Variants in HS6ST2 observed in about 807,000 individuals in gnomAD.
HS6ST2 encodes heparan sulfate 6-O-sulfotransferase 2.
HS6ST2 carries 17 observed loss-of-function variants against 33.0 expected under a neutral mutation model. The ratio of observed to expected loss-of-function variants is 0.52; its 90% CI spans 0.35 to 0.77. The LOEUF is 0.77. Ranked by LOEUF, HS6ST2 falls within the 30% of genes least tolerant of loss-of-function variation. The pLI is 0.01. For missense variants in HS6ST2, 519 were observed against 551.7 expected, an observed-to-expected ratio of 0.94 and a Z score of 0.59; for synonymous variants, 248 against 237.1, an observed-to-expected ratio of 1.05 and a Z score of -0.42.
chrX:132,764,081 C>T (rs2064824626), intron 2 of HS6ST2, among the ~76,000 whole-genome samples: 1 of 112,251 alleles, frequency 8.9e-6, no homozygotes, highest in African/African-American at 3.2e-5. Context: ...TTACCTGACT[C>T]ACTGGACTGC....
At chrX:132,769,562 G>A (rs958819049) in intron 2 of HS6ST2, among the ~76,000 whole-genome samples, 2 of 112,042 alleles carry the variant, frequency 1.8e-5, no homozygotes, top group Admixed American at 1.9e-4. Flanking sequence ...CAGACACTTA[G>A]AGCCCTTGAA....
intron 3 of HS6ST2, among the ~76,000 whole-genome samples, chrX:132,701,189 C>T (rs1274643954): frequency 8.9e-6 from 1 of 112,142 alleles, no homozygotes; most frequent in African/African-American, 3.2e-5. Context: ...CCTTGATGTG[C>T]ATCTATTTTC....
chrX:132,806,388 C>A (rs1253264119), intron 2 of HS6ST2, among the ~76,000 whole-genome samples: 2 of 109,158 alleles, frequency 1.8e-5, no homozygotes, highest in Admixed American at 9.9e-5. Context: ...ATAATTTCTT[C>A]CTTTGTAAAT....
At position 132,814,172 on chromosome X, in the gene HS6ST2, C is replaced by A. The variant is rs1356576015; in HGVS notation, c.948-105678G>T. 2.7e-5 allele frequency among the ~76,000 whole-genome samples: 3 copies of A among 111,814 alleles called. No homozygotes were observed. In the Admixed American group the frequency reaches 2.8e-4, roughly 11 times the overall value. On this transcript the variant is annotated intron_variant, in intron 2 of 4. Coordinates refer to ENST00000370833, the MANE Select transcript of HS6ST2 (RefSeq NM_001394073.1). ...TCTTGCCCAGGATGGTCTCGAACTC[C>A]TGACCTTGTGATCCACCCGCCTCGG... is the stretch of plus-strand genomic sequence containing the variant.
intron 3 of HS6ST2, among the ~76,000 whole-genome samples, chrX:132,704,267 G>A (rs1031454374): frequency 8.9e-6 from 1 of 112,435 alleles, no homozygotes; most frequent in Non-Finnish European, 1.9e-5. Context: ...AAAGAAAGAC[G>A]ATTTTGGCCA....
intron 2 of HS6ST2, among the ~76,000 whole-genome samples, chrX:132,787,211 A>C: frequency 1.1e-5 from 1 of 88,199 alleles, no homozygotes; most frequent in African/African-American, 4.5e-5. Context: ...ACATATATAT[A>C]TACACATATA....
chrX:132,669,314 C>G (rs2063839408), intron 3 of HS6ST2, 115 bp from the exon 4 acceptor site: 1 of 465,456 alleles, frequency 2.1e-6, no homozygotes, highest in Admixed American at 4.5e-5. Flanking sequence ...CCCCCACCAC[C>G]CCCTGGCCAA....
At chrX:132,951,298 C>G (rs1486518868) in intron 2 of HS6ST2, among the ~76,000 whole-genome samples, 1 of 111,319 alleles carries the variant, frequency 9.0e-6, no homozygotes, top group East Asian at 2.8e-4. Context: ...AGCCTAACCC[C>G]ATCTACTTCC....
At chrX:132,898,463 A>G (rs939404902) in intron 2 of HS6ST2, among the ~76,000 whole-genome samples, 3 of 107,034 alleles carry the variant, frequency 2.8e-5, no homozygotes, top group Non-Finnish European at 5.8e-5. Context: ...CCAAACAATG[A>G]AAGTTCAGTC....
chrX:132,900,079 A>G (rs977001095), intron 2 of HS6ST2, among the ~76,000 whole-genome samples: 2 of 112,133 alleles, frequency 1.8e-5, no homozygotes, highest in Non-Finnish European at 3.8e-5. Context: ...ATTGATTTTT[A>G]TAAGTTGCTG....
intron 4 of HS6ST2, among the ~76,000 whole-genome samples, chrX:132,644,060 C>A (rs916193975): frequency 9.0e-6 from 1 of 111,227 alleles, no homozygotes; most frequent in African/African-American, 3.3e-5. Context: ...TTACTCTAAA[C>A]GACATTGCCC....
chrX:132,815,358 C>A (rs1192689707), intron 2 of HS6ST2, among the ~76,000 whole-genome samples: 1 of 111,613 alleles, frequency 9.0e-6, no homozygotes, highest in East Asian at 2.8e-4. Context: ...TCACAAGAGT[C>A]CTATAAGGTA....
chrX:132,898,381 TTATA>T (rs10545986), intron 2 of HS6ST2, among the ~76,000 whole-genome samples: 1,583 of 89,150 alleles, frequency 0.018, 24 homozygotes, highest in African/African-American at 0.059. Context: ...CAACATAAGG[TTATA>T]TATATATATA....
chrX:132,669,313 C>T (rs1203977867), intron 3 of HS6ST2, 114 bp from the exon 4 acceptor site: 20 of 465,228 alleles, frequency 4.3e-5, no homozygotes, highest in Non-Finnish European at 6.5e-5. Flanking sequence ...CCCCCCACCA[C>T]CCCCTGGCCA....
chrX:132,695,126 C>A (rs2064093440), intron 3 of HS6ST2, among the ~76,000 whole-genome samples: 1 of 111,202 alleles, frequency 9.0e-6, no homozygotes, highest in African/African-American at 3.3e-5. Flanking sequence ...GCTACAATGA[C>A]TCAACCAAAC....
At chrX:132,911,278 G>T (rs2066531920) in intron 2 of HS6ST2, among the ~76,000 whole-genome samples, 1 of 110,756 alleles carries the variant, frequency 9.0e-6, no homozygotes. Flanking sequence ...TAACCATCCT[G>T]ATCCCATCCT....
Position 132,946,888 on chromosome X carries a change from A to C in HS6ST2, c.947+9920T>G, listed in dbSNP as rs1260613777. ...TAGTAATAGATCTTCTTGGAAAATA[A>C]GGCCAAGTTACCTGGGTCAAACTAC... On this transcript the variant is annotated intron_variant, in intron 2 of 4. Coordinates refer to ENST00000370833, the MANE Select transcript of HS6ST2 (RefSeq NM_001394073.1). Among the ~76,000 whole-genome samples the C allele has an allele frequency of 2.7e-5, 3 of 112,064 alleles. No homozygotes were observed. In the Admixed American group the frequency reaches 2.8e-4, roughly 11 times the overall value.
intron 2 of HS6ST2, among the ~76,000 whole-genome samples, chrX:132,879,473 T>C (rs764174753): frequency 4.5e-5 from 5 of 111,961 alleles, no homozygotes; most frequent in Non-Finnish European, 7.5e-5. Context: ...TTTGAAATCC[T>C]ATCACATCCT....
chrX:132,849,073 C>T (rs2065777898), intron 2 of HS6ST2, among the ~76,000 whole-genome samples: 1 of 111,545 alleles, frequency 9.0e-6, no homozygotes, highest in African/African-American at 3.3e-5. Context: ...TGATAAAGCT[C>T]GGCAAGCCAA....
Sources: gnomAD v4.1 joint callset for allele counts (sites outside exome capture counted in the v4.1 genomes callset) on GRCh38, gnomAD v4.1.1 for gene constraint, MANE v1.5 for transcripts, NCBI Gene and HGNC (gene_info 2026-07-23, HGNC 2026-07-21) for gene names.